Variants in GUCY2F observed in about 807,000 individuals in gnomAD.
The protein encoded by GUCY2F is guanylate cyclase 2F, retinal.
Under a neutral mutation model 73.1 loss-of-function variants are expected in GUCY2F, and 61 were observed. The ratio of observed to expected loss-of-function variants is 0.83; its 90% CI spans 0.68 to 1.03. GUCY2F has a LOEUF of 1.03. Ranked by LOEUF, GUCY2F falls within the 50% of genes least tolerant of loss-of-function variation. The probability of loss-of-function intolerance (pLI) is 0.00; values close to 1 mark genes in which losing one functional copy is unlikely to be tolerated. For missense variants in GUCY2F, 912 were observed against 854.3 expected (o/e 1.07, Z -0.84); for synonymous variants, 331 against 307.8 (o/e 1.08, Z -0.79).
chrX:109,428,535 T>C (rs748832442), intron 8 of GUCY2F, among the ~76,000 whole-genome samples: 1 of 111,874 alleles, frequency 8.9e-6, no homozygotes, highest in African/African-American at 3.2e-5. Context: ...TAAAAGCAAC[T>C]AAAAAGATAT....
chrX:109,446,165 A>G (rs776865329), intron 6 of GUCY2F, among the ~76,000 whole-genome samples: 1 of 112,211 alleles, frequency 8.9e-6, no homozygotes, highest in South Asian at 3.7e-4. Flanking sequence ...CTCATGAATA[A>G]GAAGAATCAA....
At position 109,395,429 on chromosome X, in the gene GUCY2F, T is replaced by C. The variant is rs770562119; in HGVS notation, c.2336A>G (p.His779Arg). ...CAGCTGGAGACATTCTGGAGGGGCA[T>C]GCTCAGGAGGAACTACTGGTCTGTA... is the stretch of plus-strand genomic sequence containing the variant. ...PVYRPVVPPE[H>R]APPECLQLMK... The change falls in exon 12 of 20, where the codon CAT becomes CGT. Residue 779 changes from histidine (H) to arginine (R), a missense_variant. His to Arg is a conservative substitution (Grantham distance 29). Coordinates refer to ENST00000218006, the MANE Select transcript of GUCY2F (RefSeq NM_001522.3). 1.3e-5 allele frequency: 16 copies of C among 1,196,331 alleles called. No individual in the cohort carries two copies. The highest frequency in any genetic ancestry group is 7.0e-5 in the African/African-American group (4 of 56,973).
intron 17 of GUCY2F, among the ~76,000 whole-genome samples, 189 bp from the exon 18 acceptor site, chrX:109,376,356 G>A (rs1033165399): frequency 6.2e-5 from 7 of 112,007 alleles, no homozygotes; most frequent in African/African-American, 1.9e-4. Flanking sequence ...TTTGTCTACC[G>A]CCACCATACA....
chrX:109,476,778 AC>A (rs1181036190), intron 1 of GUCY2F, among the ~76,000 whole-genome samples: 2 of 106,883 alleles, frequency 1.9e-5, no homozygotes, highest in Non-Finnish European at 1.9e-5. Flanking sequence ...AGATAGACAG[AC>A]TATATATATA....
chrX:109,428,859 T>C (rs929773107), intron 8 of GUCY2F, among the ~76,000 whole-genome samples: 1 of 112,185 alleles, frequency 8.9e-6, no homozygotes, highest in Non-Finnish European at 1.9e-5. Flanking sequence ...AATCTTTGAA[T>C]TATTATTGAA....
At position 109,440,688 on chromosome X, in the gene GUCY2F, T is replaced by C. The variant is rs113460785; in HGVS notation, c.1701+663A>G. On this transcript the variant is annotated intron_variant, in intron 7 of 19. Coordinates refer to ENST00000218006, the MANE Select transcript of GUCY2F (RefSeq NM_001522.3). Reference sequence around the variant, plus strand: ...CCCTTTTACCCCCTGCTTAACTCATTCCTGCTGAGAAGAAACAGTTCATCT... The same window carrying C: ...CCCTTTTACCCCCTGCTTAACTCATCCCTGCTGAGAAGAAACAGTTCATCT... 8.1e-3 allele frequency among the ~76,000 whole-genome samples: 906 copies of C among 111,868 alleles called. 9 individuals carry two copies. The highest frequency in any genetic ancestry group is 0.028 in the African/African-American group (875 of 30,798).
At chrX:109,450,414 G>A (rs1932112791) in intron 5 of GUCY2F, among the ~76,000 whole-genome samples, 2 of 111,590 alleles carry the variant, frequency 1.8e-5, no homozygotes, top group East Asian at 2.8e-4. Context: ...TGCGGCGGTT[G>A]ACAAGTAACA....
chrX:109,461,064 T>C (rs959775611), intron 3 of GUCY2F, among the ~76,000 whole-genome samples: 66 of 111,882 alleles, frequency 5.9e-4, no homozygotes, highest in African/African-American at 1.9e-3. Flanking sequence ...ATACTAAATA[T>C]GGATTTAACT....
intron 19 of GUCY2F, among the ~76,000 whole-genome samples, chrX:109,374,667 A>T (rs1380335882): frequency 9.0e-6 from 1 of 110,654 alleles, no homozygotes; most frequent in Non-Finnish European, 1.9e-5. Flanking sequence ...ATGTGTCTGG[A>T]TCTGTGTGTG....
intron 9 of GUCY2F, among the ~76,000 whole-genome samples, chrX:109,407,569 A>C (rs1041105277): frequency 8.9e-6 from 1 of 112,885 alleles, no homozygotes; most frequent in African/African-American, 3.2e-5. Flanking sequence ...CACATCAGAG[A>C]CCTTCATGGC....
intron 1 of GUCY2F, among the ~76,000 whole-genome samples, chrX:109,480,429 G>A (rs1352113432): frequency 9.0e-6 from 1 of 111,220 alleles, no homozygotes; most frequent in Non-Finnish European, 1.9e-5. Flanking sequence ...GTTGCAGGTA[G>A]GCAAAGGAGG....
chrX:109,429,010 C>T (rs1283139559), intron 8 of GUCY2F, among the ~76,000 whole-genome samples: 1 of 112,136 alleles, frequency 8.9e-6, no homozygotes, highest in African/African-American at 3.2e-5. Flanking sequence ...ATTTGGATTA[C>T]GAAACCAGTG....
intron 8 of GUCY2F, among the ~76,000 whole-genome samples, chrX:109,419,129 G>A (rs1462870892): frequency 1.8e-5 from 2 of 110,103 alleles, no homozygotes; most frequent in African/African-American, 3.3e-5. Context: ...AGGACCAAAT[G>A]ATTTTATTGA....
At chrX:109,477,895 G>A (rs1932728125) in intron 1 of GUCY2F, among the ~76,000 whole-genome samples, 1 of 111,689 alleles carries the variant, frequency 9.0e-6, no homozygotes, top group African/African-American at 3.3e-5. Flanking sequence ...ACCACAAATA[G>A]TATGCCCCAA....
At chrX:109,383,313 A>G (rs1930363373) in intron 16 of GUCY2F, 1 of 340,467 alleles carries the variant, frequency 2.9e-6, no homozygotes, top group Non-Finnish European at 3.8e-6. Context: ...TCAGTAGAGT[A>G]ATCTTGATGG....
At chrX:109,472,283 A>C (rs1254079651) in intron 2 of GUCY2F, among the ~76,000 whole-genome samples, 1 of 108,330 alleles carries the variant, frequency 9.2e-6, no homozygotes, top group African/African-American at 3.4e-5. Flanking sequence ...AAAAAAAAAA[A>C]CCTCCCAATT....
intron 14 of GUCY2F, among the ~76,000 whole-genome samples, chrX:109,390,640 G>A (rs1437168051): frequency 8.9e-6 from 1 of 112,811 alleles, no homozygotes; most frequent in African/African-American, 3.2e-5. Flanking sequence ...CAGCTGGATT[G>A]ATTAAACCAG....
intron 8 of GUCY2F, among the ~76,000 whole-genome samples, chrX:109,412,651 A>C (rs1931139057): frequency 8.9e-6 from 1 of 112,818 alleles, no homozygotes; most frequent in Non-Finnish European, 1.9e-5. Flanking sequence ...GCTGTTCAAC[A>C]CAAATGTATT....
intron 2 of GUCY2F, among the ~76,000 whole-genome samples, chrX:109,468,191 AC>A (rs1238959646): frequency 1.1e-4 from 12 of 112,053 alleles, no homozygotes; most frequent in Non-Finnish European, 1.1e-4. Context: ...AGGGAAACTG[AC>A]TTGTGACACT....
Sources: allele counts gnomAD v4.1 joint callset (sites outside exome capture counted in the v4.1 genomes callset), GRCh38; gene constraint gnomAD v4.1.1; transcripts MANE v1.5; gene names NCBI Gene and HGNC (gene_info 2026-07-23, HGNC 2026-07-21).